Variants in HCRTR2 observed in about 807,000 individuals in gnomAD.
HCRTR2 encodes hypocretin receptor 2.
In HCRTR2, 22 loss-of-function variants were observed where a neutral mutation model predicts 49.0. The observed-to-expected ratio is 0.45, with a 90% CI of 0.32 to 0.64. The LOEUF (loss-of-function observed/expected upper bound fraction) is 0.64. Ranked by LOEUF, HCRTR2 falls within the 30% of genes least tolerant of loss-of-function variation. HCRTR2 has a pLI of 0.04. For missense variants in HCRTR2, 491 were observed against 559.4 expected (o/e 0.88, Z 1.23); for synonymous variants, 236 against 205.3 (o/e 1.15, Z -1.28).
intron 3 of HCRTR2, among the ~76,000 whole-genome samples, chr6:55,256,515 T>G (rs1236285276): frequency 6.6e-6 from 1 of 152,150 alleles, no homozygotes; most frequent in Non-Finnish European, 1.5e-5. Context: ...TTATTTCATA[T>G]ATTGTTGCAA....
intron 1 of HCRTR2, among the ~76,000 whole-genome samples, chr6:55,243,818 T>G (rs1766380741): frequency 6.6e-6 from 1 of 152,080 alleles, no homozygotes; most frequent in African/African-American, 2.4e-5. Flanking sequence ...TCCACAATAA[T>G]TTTAGAATGC....
At chr6:55,172,646 A>G (rs971288690), upstream of HCRTR2, among the ~76,000 whole-genome samples, 1 of 152,230 alleles carries the variant, frequency 6.6e-6, no homozygotes, top group Non-Finnish European at 1.5e-5. Flanking sequence ...GAAAGAACAG[A>G]TGGTTTTGCT....
chr6:55,151,034 AT>A lies in HCRTR2; in HGVS notation c.-377-23176del, dbSNP rs530201127. 3.7e-3 allele frequency among the ~76,000 whole-genome samples: 560 copies of A among 152,204 alleles called. 1 individual carries two copies. Among genetic ancestry groups the A allele is most frequent in the South Asian group, 9.9e-3 (48 of 4,834 alleles). ...TAAAAATTAAATACCCTGATTAAAA[AT>A]ATTTTATTACTAAAACAATGCTAAC... On this transcript the variant is annotated intron_variant, in intron 1 of 7. Transcript: ENST00000615358.
chr6:55,257,580 G>T (rs1046227098), intron 3 of HCRTR2, among the ~76,000 whole-genome samples: 1 of 147,446 alleles, frequency 6.8e-6, no homozygotes, highest in African/African-American at 2.4e-5. Flanking sequence ...CAAAAAGATT[G>T]CAAAGTCATG....
At chr6:55,113,303 A>G (rs1764075260) in intron 1 of HCRTR2, among the ~76,000 whole-genome samples, 1 of 151,956 alleles carries the variant, frequency 6.6e-6, no homozygotes, top group East Asian at 1.9e-4. Context: ...CTAAAAAGCT[A>G]TTACACAGCA....
At chr6:55,229,731 G>A (rs931677008) in intron 1 of HCRTR2, among the ~76,000 whole-genome samples, 1 of 152,156 alleles carries the variant, frequency 6.6e-6, no homozygotes, top group African/African-American at 2.4e-5. Context: ...CAGGGGCTGG[G>A]AGGAGGCAGA....
At chr6:55,270,844 C>A (rs904508900) in intron 4 of HCRTR2, among the ~76,000 whole-genome samples, 1 of 152,012 alleles carries the variant, frequency 6.6e-6, no homozygotes, top group Non-Finnish European at 1.5e-5. Context: ...GATATTCAAT[C>A]GGTACACAAC....
chr6:55,228,774 T>C (rs1766058367), intron 1 of HCRTR2, among the ~76,000 whole-genome samples: 1 of 152,176 alleles, frequency 6.6e-6, no homozygotes, highest in Non-Finnish European at 1.5e-5. Context: ...AAAATTTTAA[T>C]CTCTTTTTCT....
At chr6:55,169,966 A>T (rs1049238846), upstream of HCRTR2, among the ~76,000 whole-genome samples, 6 of 152,114 alleles carry the variant, frequency 3.9e-5, no homozygotes, top group South Asian at 2.1e-4. Flanking sequence ...TGCAAAAAAG[A>T]TGATCTCTCA....
At chr6:55,252,398 T>C (rs921212090) in intron 2 of HCRTR2, among the ~76,000 whole-genome samples, 1 of 152,126 alleles carries the variant, frequency 6.6e-6, no homozygotes, top group Non-Finnish European at 1.5e-5. Context: ...TTGATTAAAT[T>C]AATGGATTAT....
intron 1 of HCRTR2, among the ~76,000 whole-genome samples, chr6:55,231,214 T>C (rs146848588): frequency 1.3e-5 from 2 of 152,252 alleles, no homozygotes; most frequent in East Asian, 1.9e-4. Flanking sequence ...CTCACTTATA[T>C]TTATAATAAT....
At chr6:55,238,576 G>T (rs370261346) in intron 1 of HCRTR2, among the ~76,000 whole-genome samples, 1 of 151,778 alleles carries the variant, frequency 6.6e-6, no homozygotes, top group African/African-American at 2.4e-5. Context: ...ACACACACAC[G>T]CTCACACACA....
At chr6:55,265,195 T>C (rs759040771) in intron 4 of HCRTR2, among the ~76,000 whole-genome samples, 3 of 152,126 alleles carry the variant, frequency 2.0e-5, no homozygotes, top group Non-Finnish European at 4.4e-5. Flanking sequence ...TGAGTGGTGA[T>C]TTTCTAGATG....
intron 1 of HCRTR2, among the ~76,000 whole-genome samples, chr6:55,150,731 T>C (rs2127257814): frequency 6.6e-6 from 1 of 152,176 alleles, no homozygotes; most frequent in South Asian, 2.1e-4. Context: ...TTATCCATTT[T>C]TCTATTGATG....
intron 1 of HCRTR2, among the ~76,000 whole-genome samples, chr6:55,233,101 T>TA (rs1766146238): frequency 6.6e-6 from 1 of 151,978 alleles, no homozygotes; most frequent in South Asian, 2.1e-4. Flanking sequence ...GCTGCTTTTT[T>TA]TTTTTTTGAT....
intron 1 of HCRTR2, among the ~76,000 whole-genome samples, chr6:55,235,045 T>C (rs777927294): frequency 4.1e-4 from 63 of 152,266 alleles, no homozygotes; most frequent in Non-Finnish European, 7.5e-4. Flanking sequence ...CTTACAAACA[T>C]AATCATAAGT....
chr6:55,170,083 CCG>C (rs1445049388), upstream of HCRTR2, among the ~76,000 whole-genome samples: 4 of 150,494 alleles, frequency 2.7e-5, no homozygotes, highest in African/African-American at 9.8e-5. Context: ...ATTTATTTTT[CCG>C]TCTCATTTTT....
chr6:55,253,541 G>A (rs1766593095), intron 2 of HCRTR2, among the ~76,000 whole-genome samples: 2 of 152,016 alleles, frequency 1.3e-5, no homozygotes, highest in South Asian at 4.1e-4. Flanking sequence ...CACTATTAAT[G>A]GATTAACAAA....
At chr6:55,171,549 C>T (rs1764949858), upstream of HCRTR2, among the ~76,000 whole-genome samples, 1 of 151,868 alleles carries the variant, frequency 6.6e-6, no homozygotes, top group Non-Finnish European at 1.5e-5. Context: ...CTATGGTGCA[C>T]TTGCAAAAAA....
Sources: gnomAD v4.1 joint callset for allele counts (sites outside exome capture counted in the v4.1 genomes callset) on GRCh38, gnomAD v4.1.1 for gene constraint, MANE v1.5 for transcripts, NCBI Gene and HGNC (gene_info 2026-07-23, HGNC 2026-07-21) for gene names.